CNTN3: variants seen among roughly 807,000 people sequenced by gnomAD.
The protein encoded by CNTN3 is contactin-3.
A neutral mutation model predicts 119.1 loss-of-function variants in CNTN3; 60 were observed. The observed-to-expected ratio is 0.50, with a 90% CI of 0.41 to 0.62. CNTN3 has a LOEUF of 0.62. Among genes scored for constraint, CNTN3 ranks in the 20% least tolerant of loss-of-function variants. The pLI, the probability that CNTN3 is intolerant of heterozygous loss-of-function variation, is 0.00. For synonymous variants in CNTN3, 450 were observed against 438.7 expected, an observed-to-expected ratio of 1.03 and a Z score of -0.32; for missense variants, 1,101 against 1,242.4, an observed-to-expected ratio of 0.89 and a Z score of 1.71.
At chr3:74,541,083 G>T (rs1006891095) in intron 1 of CNTN3, among the ~76,000 whole-genome samples, 1 of 152,122 alleles carries the variant, frequency 6.6e-6, no homozygotes, top group African/African-American at 2.4e-5. Context: ...AGGGTATCAA[G>T]TGTTCATGAG....
intron 20 of CNTN3, among the ~76,000 whole-genome samples, chr3:74,275,327 A>G (rs904980703): frequency 2.0e-5 from 3 of 152,296 alleles, no homozygotes; most frequent in Non-Finnish European, 4.4e-5. Context: ...CAAAAAGATC[A>G]TTGCCTAGGC....
intron 1 of CNTN3, among the ~76,000 whole-genome samples, chr3:74,582,339 G>C (rs1174380909): frequency 6.6e-6 from 1 of 152,032 alleles, no homozygotes; most frequent in Non-Finnish European, 1.5e-5. Context: ...CCGGGAGGCA[G>C]AGGCTGCAGT....
At chr3:74,526,621 C>T (rs987860592) in intron 1 of CNTN3, among the ~76,000 whole-genome samples, 1 of 151,814 alleles carries the variant, frequency 6.6e-6, no homozygotes, top group Admixed American at 6.6e-5. Context: ...TCTTAAACAG[C>T]TCACCCATCT....
chr3:74,477,919 A>T (rs1448041869), intron 4 of CNTN3, among the ~76,000 whole-genome samples: 3 of 152,184 alleles, frequency 2.0e-5, no homozygotes, highest in African/African-American at 7.2e-5. Flanking sequence ...GTGCAAGGGA[A>T]ACAGTAAACA....
intron 5 of CNTN3, among the ~76,000 whole-genome samples, chr3:74,413,558 T>C (rs766925688): frequency 7.2e-5 from 11 of 152,126 alleles, no homozygotes; most frequent in Admixed American, 2.0e-4. Flanking sequence ...TTTTAAAAAA[T>C]GCAAATAAAG....
intron 5 of CNTN3, among the ~76,000 whole-genome samples, chr3:74,389,930 G>C (rs6809915): frequency 6.6e-6 from 1 of 151,972 alleles, no homozygotes; most frequent in African/African-American, 2.4e-5. Flanking sequence ...AAATAAATAA[G>C]GGGCTCCTGA....
chr3:74,450,527 T>A (rs1702130697), intron 4 of CNTN3, among the ~76,000 whole-genome samples: 1 of 151,734 alleles, frequency 6.6e-6, no homozygotes, highest in Admixed American at 6.6e-5. Context: ...TAATTATTAT[T>A]ATACTTTAAG....
chr3:74,392,819 T>G (rs982446312), intron 5 of CNTN3, among the ~76,000 whole-genome samples: 1 of 152,164 alleles, frequency 6.6e-6, no homozygotes, highest in African/African-American at 2.4e-5. Flanking sequence ...TTTTTTATTT[T>G]TGAATTTAGG....
rs1299127961 is a variant in CNTN3 at position 74,288,154 on chromosome 3, C to CTTTTTTT, written c.2518-2664_2518-2663insAAAAAAA. Among the ~76,000 whole-genome samples, 17 of 88,284 alleles carry CTTTTTTT rather than the reference C, an allele frequency of 1.9e-4. 1 individual carries two copies. Among genetic ancestry groups the CTTTTTTT allele is most frequent in the South Asian group, 1.6e-3 (3 of 1,832 alleles). The allele number at this position is 88,284 out of a possible 152,430, so 57.9% of individuals were successfully genotyped here. On this transcript the variant is annotated intron_variant, in intron 19 of 22. Transcript: ENST00000263665. ...TTTGACATCTTTTTTCTTTTCTTTT[C>CTTTTTTT]TTTTCTTTTTTTTTTTTTTTTTGAG...
rs115350912 is a variant in CNTN3, at chr3:74,566,759, T to C, written c.-80-45567A>G. On this transcript the variant is annotated intron_variant, in intron 1 of 22. Transcript: ENST00000263665. ...CAGGTACAGGGCATTATGACTTATA[T>C]CTTTTTGAGATACACAATTCAACAC... 9.5e-3 allele frequency among the ~76,000 whole-genome samples: 1,445 copies of C among 152,280 alleles called. 20 individuals carry two copies. Among genetic ancestry groups the C allele is most frequent in the Middle Eastern group, 0.054 (16 of 294 alleles).
chr3:74,436,275 G>A (rs1309238108), intron 4 of CNTN3, among the ~76,000 whole-genome samples: 2 of 152,128 alleles, frequency 1.3e-5, no homozygotes, highest in Admixed American at 1.3e-4. Flanking sequence ...TGAACATTTT[G>A]GATGTTTACG....
intron 5 of CNTN3, among the ~76,000 whole-genome samples, chr3:74,398,554 T>C (rs1322224360): frequency 1.3e-5 from 2 of 152,268 alleles, no homozygotes; most frequent in African/African-American, 2.4e-5. Flanking sequence ...ATTTGCTTTA[T>C]TGAGGTGGTG....
At chr3:74,287,318 T>A (rs1702134347) in intron 19 of CNTN3, among the ~76,000 whole-genome samples, 1 of 152,200 alleles carries the variant, frequency 6.6e-6, no homozygotes, top group South Asian at 2.1e-4. Context: ...ATTTGATTTT[T>A]CCATAAAGAA....
At chr3:74,267,425 G>T in intron 20 of CNTN3, 47 bp from the exon 21 acceptor site, 1 of 1,330,880 alleles carries the variant, frequency 7.5e-7, no homozygotes, top group Non-Finnish European at 1.1e-6. Flanking sequence ...AAGTACAAGT[G>T]ATATTTTACA....
In CNTN3 at chr3:74,263,885, C is replaced by A. The variant is rs986886577; in HGVS notation, c.*516G>T. 6.6e-6 allele frequency: 1 copy of A among 152,074 alleles called. No individual in the cohort carries two copies. Among genetic ancestry groups the A allele is most frequent in the Non-Finnish European group, 1.5e-5 (1 of 68,014 alleles). 9.4% of individuals were successfully genotyped at this position (152,074 alleles called of 1,614,324 possible). On this transcript the variant is annotated 3_prime_UTR_variant, in exon 23 of 23. Coordinates refer to ENST00000263665, the MANE Select transcript of CNTN3 (RefSeq NM_020872.3). ...ATCATTCTTCTAAGCCCCACAGTAG[C>A]ATTTTCCAACAATGCTCTTTTGAAT... is the stretch of plus-strand genomic sequence containing the variant.
Position 74,441,342 on chromosome 3 carries a change from A to G in CNTN3, c.359-16402T>C, listed in dbSNP as rs553243615. 2.6e-5 allele frequency among the ~76,000 whole-genome samples: 4 copies of G among 152,322 alleles called. No homozygotes were observed. The East Asian group carries it at 7.7e-4, about 29-fold the overall frequency. On this transcript the variant is annotated intron_variant, in intron 4 of 22. Transcript: ENST00000263665. Reference sequence around the variant, plus strand: ...TTTCCATGGAAACATCGCTATCAGTATACCTCTGAATATGCATTTGCCTTT... The same window carrying G: ...TTTCCATGGAAACATCGCTATCAGTGTACCTCTGAATATGCATTTGCCTTT...
At chr3:74,408,963 G>A (rs1177048093) in intron 5 of CNTN3, among the ~76,000 whole-genome samples, 1 of 152,176 alleles carries the variant, frequency 6.6e-6, no homozygotes, top group African/African-American at 2.4e-5. Context: ...TTTATTTCAA[G>A]TGTAAAGGTT....
intron 5 of CNTN3, among the ~76,000 whole-genome samples, chr3:74,377,616 T>C (rs1704511192): frequency 6.6e-6 from 1 of 152,222 alleles, no homozygotes; most frequent in Non-Finnish European, 1.5e-5. Context: ...ACAAGCACAT[T>C]ATGCCAAACG....
intron 4 of CNTN3, 117 bp from the exon 5 acceptor site, chr3:74,425,057 A>C (rs1220638635): frequency 3.0e-6 from 2 of 677,042 alleles, no homozygotes; most frequent in Non-Finnish European, 5.0e-6. Context: ...TTTCTTTAAA[A>C]ATTTTTATTT....
Sources: gnomAD v4.1 joint callset for allele counts (sites outside exome capture counted in the v4.1 genomes callset) on GRCh38, gnomAD v4.1.1 for gene constraint, MANE v1.5 for transcripts, NCBI Gene and HGNC (gene_info 2026-07-23, HGNC 2026-07-21) for gene names.